Variants in EPS15 observed in about 807,000 individuals in gnomAD.
EPS15 encodes the protein epidermal growth factor receptor pathway substrate 15.
Under a neutral mutation model 113.8 loss-of-function variants are expected in EPS15, and 72 were observed. That is an observed-to-expected ratio of 0.63 (90% CI 0.52 to 0.77). EPS15 has a LOEUF of 0.77. Ranked by LOEUF, EPS15 falls within the 30% of genes least tolerant of loss-of-function variation. The probability of loss-of-function intolerance (pLI) is 0.00; values close to 1 mark genes in which losing one functional copy is unlikely to be tolerated. For missense variants in EPS15, 1,048 were observed against 1,045.8 expected, an observed-to-expected ratio of 1.00 and a Z score of -0.03; for synonymous variants, 344 against 363.4, an observed-to-expected ratio of 0.95 and a Z score of 0.61.
intron 2 of EPS15, among the ~76,000 whole-genome samples, chr1:51,478,461 G>A (rs1406036782): frequency 4.0e-5 from 6 of 151,668 alleles, no homozygotes; most frequent in East Asian, 3.9e-4. Context: ...TTACATTTAA[G>A]GTTAATATTG....
At chr1:51,442,112 C>G (rs1652641129) in intron 11 of EPS15, among the ~76,000 whole-genome samples, 1 of 152,062 alleles carries the variant, frequency 6.6e-6, no homozygotes, top group South Asian at 2.1e-4. Context: ...CACTGATACA[C>G]AAAAACTTAT....
chr1:51,390,850 T>C (rs1191269437), intron 21 of EPS15, among the ~76,000 whole-genome samples: 1 of 152,092 alleles, frequency 6.6e-6, no homozygotes, highest in Non-Finnish European at 1.5e-5. Context: ...AACAGGAACA[T>C]TTTTACACTG....
intron 1 of EPS15, among the ~76,000 whole-genome samples, chr1:51,489,904 C>A (rs1310513889): frequency 1.3e-5 from 2 of 152,146 alleles, no homozygotes; most frequent in African/African-American, 4.8e-5. Flanking sequence ...GAAAGAATCA[C>A]AGAGCAGAAC....
intron 21 of EPS15, chr1:51,382,347 T>C (rs529175806): frequency 6.6e-6 from 1 of 151,892 alleles, no homozygotes; most frequent in South Asian, 2.1e-4. Context: ...ACTAGAAAGA[T>C]ACAGGGAAGG....
intron 1 of EPS15, among the ~76,000 whole-genome samples, chr1:51,496,930 C>G (rs1021550274): frequency 6.6e-6 from 1 of 152,066 alleles, no homozygotes; most frequent in African/African-American, 2.4e-5. Context: ...ATTCTGAGTT[C>G]TAGAATTTTT....
intron 8 of EPS15, 60 bp from the exon 9 acceptor site, chr1:51,448,195 A>G (rs1481821114): frequency 4.2e-6 from 4 of 946,536 alleles, no homozygotes; most frequent in Non-Finnish European, 6.5e-6. Flanking sequence ...CACCCACTGA[A>G]TTGATTATTG....
intron 1 of EPS15, among the ~76,000 whole-genome samples, chr1:51,500,966 A>G (rs1393770281): frequency 6.6e-6 from 1 of 151,342 alleles, no homozygotes; most frequent in Non-Finnish European, 1.5e-5. Context: ...CCTGGGCAAC[A>G]AGAGTAAAAC....
At chr1:51,421,752 C>A in intron 13 of EPS15, 34 bp downstream of exon 13, 1 of 1,345,066 alleles carries the variant, frequency 7.4e-7, no homozygotes, top group Non-Finnish European at 1.0e-6. Flanking sequence ...AGTCCTAAAT[C>A]AGCAGTGGAA....
At chr1:51,374,823 C>T (rs989739029) in intron 21 of EPS15, among the ~76,000 whole-genome samples, 5 of 151,836 alleles carry the variant, frequency 3.3e-5, no homozygotes, top group Non-Finnish European at 5.9e-5. Flanking sequence ...CCTGCCTCAG[C>T]CTCCCAAGTA....
chr1:51,357,426 A>ATATATATATATATT (rs1443627608), intron 24 of EPS15, among the ~76,000 whole-genome samples: 1 of 53,544 alleles, frequency 1.9e-5, no homozygotes, highest in African/African-American at 9.6e-5. Flanking sequence ...ATATATATAT[A>ATATATATATATATT]TTTTTTTTTT....
intron 12 of EPS15, among the ~76,000 whole-genome samples, chr1:51,429,643 G>GTT (rs57230294): frequency 0.012 from 1,515 of 129,962 alleles, 8 homozygotes; most frequent in Non-Finnish European, 0.019. Flanking sequence ...GTTGTTGTTG[G>GTT]TTTTTTTTTT....
intron 24 of EPS15, among the ~76,000 whole-genome samples, chr1:51,359,771 A>AT (rs1347179652): frequency 6.6e-6 from 1 of 152,062 alleles, no homozygotes; most frequent in African/African-American, 2.4e-5. Context: ...AAAAATCAGT[A>AT]TAATTCTGGC....
intron 15 of EPS15, among the ~76,000 whole-genome samples, chr1:51,406,835 A>G (rs2148426601): frequency 6.6e-6 from 1 of 152,336 alleles, no homozygotes; most frequent in African/African-American, 2.4e-5. Flanking sequence ...AGACAGACAT[A>G]TAAGCAAATA....
At chr1:51,436,509 A>C (rs1047163542) in intron 12 of EPS15, among the ~76,000 whole-genome samples, 7 of 152,252 alleles carry the variant, frequency 4.6e-5, no homozygotes, top group African/African-American at 1.4e-4. Flanking sequence ...AGAAGCACAT[A>C]ATCTAGTGGG....
In EPS15 at chr1:51,354,584, G is replaced by A. The variant is rs144046230; in HGVS notation, c.*2116C>T. The A allele has an allele frequency of 1.1e-5, 2 of 180,974 alleles. No homozygotes were observed. The highest frequency in any genetic ancestry group is 1.8e-4 in the East Asian group (2 of 10,894). 11.2% of individuals were successfully genotyped at this position (180,974 alleles called of 1,614,324 possible). On this transcript the variant is annotated 3_prime_UTR_variant, in exon 25 of 25. Coordinates refer to ENST00000371733, the MANE Select transcript of EPS15 (RefSeq NM_001981.3). ...TTGTAAGTAGTGCCACTTAGCTCTG[G>A]GCAATACTTATCTGTCCTTTTCAAG...
intron 1 of EPS15, among the ~76,000 whole-genome samples, chr1:51,503,283 T>C (rs1270995514): frequency 6.6e-6 from 1 of 152,202 alleles, no homozygotes; most frequent in African/African-American, 2.4e-5. Context: ...GGCAAGCTGA[T>C]TCTGAAATTC....
intron 12 of EPS15, among the ~76,000 whole-genome samples, chr1:51,438,718 T>A (rs1360169403): frequency 6.6e-6 from 1 of 152,206 alleles, no homozygotes; most frequent in Non-Finnish European, 1.5e-5. Flanking sequence ...ATAGGTTCAG[T>A]AATTGTTTAC....
intron 21 of EPS15, among the ~76,000 whole-genome samples, chr1:51,389,247 G>C (rs533453289): frequency 6.6e-6 from 1 of 152,034 alleles, no homozygotes; most frequent in Admixed American, 6.6e-5. Flanking sequence ...ATGCAGAAAA[G>C]GCCTTTGACA....
intron 8 of EPS15, among the ~76,000 whole-genome samples, chr1:51,456,876 A>C (rs1654035539): frequency 6.6e-6 from 1 of 152,214 alleles, no homozygotes. Context: ...AAAGAATACT[A>C]GTTATTAATA....
Sources: allele counts gnomAD v4.1 joint callset (sites outside exome capture counted in the v4.1 genomes callset), GRCh38; gene constraint gnomAD v4.1.1; transcripts MANE v1.5; gene names NCBI Gene and HGNC (gene_info 2026-07-23, HGNC 2026-07-21).